ASF1A: variants seen among roughly 807,000 people sequenced by gnomAD.
ASF1A encodes anti-silencing function 1A histone chaperone.
In ASF1A, 5 loss-of-function variants were observed where a neutral mutation model predicts 22.0. That is an observed-to-expected ratio of 0.23 (90% CI 0.12 to 0.48). ASF1A has a LOEUF of 0.48. ASF1A is among the 20% of genes least tolerant of loss of function. The pLI, the probability that ASF1A is intolerant of heterozygous loss-of-function variation, is 0.99. For synonymous variants in ASF1A, 97 were observed against 86.7 expected (o/e 1.12, Z -0.66); for missense variants, 137 against 240.6 (o/e 0.57, Z 2.85).
intron 3 of ASF1A, among the ~76,000 whole-genome samples, chr6:118,906,350 G>C (rs902931039): frequency 2.6e-5 from 4 of 152,190 alleles, no homozygotes; most frequent in African/African-American, 9.6e-5. Context: ...TGGGATTACA[G>C]GTGTGAGCCA....
chr6:118,903,674 A>G (rs773628843), intron 2 of ASF1A, among the ~76,000 whole-genome samples: 11 of 152,190 alleles, frequency 7.2e-5, no homozygotes, highest in Non-Finnish European at 1.6e-4. Flanking sequence ...TAAAAGATGA[A>G]TTTTTCAGGA....
intron 1 of ASF1A, among the ~76,000 whole-genome samples, chr6:118,894,853 C>A (rs1406138488): frequency 6.6e-6 from 1 of 152,126 alleles, no homozygotes; most frequent in African/African-American, 2.4e-5. Context: ...GGGCTGGCTC[C>A]GCGCCGCCAA....
At chr6:118,903,329 C>T (rs572757289) in intron 2 of ASF1A, among the ~76,000 whole-genome samples, 91 of 152,240 alleles carry the variant, frequency 6.0e-4, no homozygotes, top group African/African-American at 2.0e-3. Flanking sequence ...TTCTCCAGGA[C>T]AAGGCTGGCT....
At position 118,908,895 on chromosome 6, in the gene ASF1A, G is replaced by A. The variant is rs1401756636; in HGVS notation, c.*1281G>A. The A allele has an allele frequency of 6.6e-6, 1 of 152,566 alleles. No homozygotes were observed. The highest frequency in any genetic ancestry group is 2.4e-5 in the African/African-American group (1 of 41,434). 9.5% of individuals were successfully genotyped at this position (152,566 alleles called of 1,614,324 possible). On this transcript the variant is annotated 3_prime_UTR_variant, in exon 4 of 4. Coordinates refer to ENST00000229595, the MANE Select transcript of ASF1A (RefSeq NM_014034.3). ...TTTTAAAGCTTTTATGTTGAGGAAA[G>A]GAAAAGGGCATTTGTCTAAACATGG...
rs532161631 is a variant in ASF1A at position 118,902,136 on chromosome 6, G to A, written c.225+1255G>A. Among the ~76,000 whole-genome samples the A allele has an allele frequency of 3.3e-5, 5 of 152,320 alleles. No homozygotes were observed. In the South Asian group the frequency reaches 1.0e-3, roughly 32 times the overall value. On this transcript the variant is annotated intron_variant, in intron 2 of 3. Transcript: ENST00000229595. Reference sequence around the variant, plus strand: ...TGCTGTTAATCAAAGTTGTGTGAGTGCATAACCATGTAAAAGACATGGGTA... The same window carrying A: ...TGCTGTTAATCAAAGTTGTGTGAGTACATAACCATGTAAAAGACATGGGTA...
At chr6:118,898,486 G>A (rs541131481) in intron 1 of ASF1A, among the ~76,000 whole-genome samples, 5 of 149,982 alleles carry the variant, frequency 3.3e-5, no homozygotes, top group South Asian at 2.1e-4. Flanking sequence ...GTGCAGTGGC[G>A]CGATCTCGGC....
intron 1 of ASF1A, among the ~76,000 whole-genome samples, chr6:118,900,543 G>A (rs763130955): frequency 1.3e-4 from 20 of 152,308 alleles, no homozygotes; most frequent in Non-Finnish European, 2.5e-4. Context: ...GTGAGGCACT[G>A]TCCAGGAACT....
At chr6:118,894,823 G>T (rs901728939) in intron 1 of ASF1A, among the ~76,000 whole-genome samples, 31 of 152,208 alleles carry the variant, frequency 2.0e-4, no homozygotes, top group African/African-American at 7.0e-4. Context: ...CGCTCCCGCT[G>T]CGCCGCCTGA....
chr6:118,907,682 G>T lies in ASF1A; in HGVS notation c.*68G>T. 8.0e-7 allele frequency: 1 copy of T among 1,255,176 alleles called. No homozygotes were observed. Among genetic ancestry groups the T allele is most frequent in the East Asian group, 2.3e-5 (1 of 42,676 alleles). 77.8% of individuals were successfully genotyped at this position (1,255,176 alleles called of 1,614,324 possible). A position where few individuals can be genotyped will look rare whatever the true frequency, so the allele number is the denominator to read the frequency against. ...CACAGAACTATTTCCCTGAAATTCC[G>T]TAAGTACATAGTCAAAACACAATGT... On this transcript the variant is annotated 3_prime_UTR_variant, in exon 4 of 4. Transcript: ENST00000229595.
At chr6:118,899,832 G>A (rs1374698502) in intron 1 of ASF1A, among the ~76,000 whole-genome samples, 1 of 152,226 alleles carries the variant, frequency 6.6e-6, no homozygotes, top group Non-Finnish European at 1.5e-5. Context: ...GAGTGCTTGT[G>A]TAACAGTGTG....
intron 1 of ASF1A, among the ~76,000 whole-genome samples, chr6:118,895,187 G>C (rs1005851945): frequency 1.3e-5 from 2 of 151,776 alleles, no homozygotes; most frequent in African/African-American, 4.8e-5. Flanking sequence ...GCGCAGGCTC[G>C]GCCCCTCCGC....
chr6:118,903,888 G>C (rs77650503), intron 2 of ASF1A, among the ~76,000 whole-genome samples: 1,583 of 152,208 alleles, frequency 0.01, 30 homozygotes, highest in African/African-American at 0.036. Flanking sequence ...TGCTCAGAGC[G>C]TGAAAAGATT....
chr6:118,894,973 T>A (rs1426011466), intron 1 of ASF1A, among the ~76,000 whole-genome samples: 1 of 152,074 alleles, frequency 6.6e-6, no homozygotes, highest in Non-Finnish European at 1.5e-5. Flanking sequence ...GAGTCGAGAA[T>A]TGGGCCAGCG....
chr6:118,894,639 T>C (rs1779220046), intron 1 of ASF1A, 117 bp downstream of exon 1: 6 of 872,208 alleles, frequency 6.9e-6, no homozygotes, highest in South Asian at 6.3e-5. Context: ...CGCGGGCTGC[T>C]CTGCGGAGGG....
chr6:118,894,532 G>T lies in ASF1A; in HGVS notation c.109+10G>T. The T allele has an allele frequency of 1.3e-6, 2 of 1,531,540 alleles. No individual in the cohort carries two copies. Among genetic ancestry groups the T allele is most frequent in the Non-Finnish European group, 8.8e-7 (1 of 1,141,794 alleles). 94.9% of individuals were successfully genotyped at this position (1,531,540 alleles called of 1,614,324 possible). ...GAGGACCTGTCTGAAGGTGAGTGCG[G>T]CGCCCGTGCGCCCGGGCTGTCAGTT... On this transcript the variant is annotated intron_variant, in intron 1 of 3. Transcript: ENST00000229595.
At chr6:118,906,375 A>G (rs972219164) in intron 3 of ASF1A, among the ~76,000 whole-genome samples, 2 of 152,128 alleles carry the variant, frequency 1.3e-5, no homozygotes, top group Admixed American at 6.6e-5. Context: ...GCCCAGAGAA[A>G]GTACTTCTTG....
At chr6:118,894,887 C>T (rs572946960) in intron 1 of ASF1A, among the ~76,000 whole-genome samples, 2 of 152,266 alleles carry the variant, frequency 1.3e-5, no homozygotes, top group South Asian at 4.1e-4. Flanking sequence ...CCTCCGGGCC[C>T]GAGCACGGAG....
intron 2 of ASF1A, among the ~76,000 whole-genome samples, chr6:118,902,877 G>A (rs1779898732): frequency 6.6e-6 from 1 of 152,142 alleles, no homozygotes; most frequent in South Asian, 2.1e-4. Flanking sequence ...CCATGATTTT[G>A]CCTCTCTAAA....
At chr6:118,894,557 T>G in intron 1 of ASF1A, 35 bp downstream of exon 1, 1 of 1,496,544 alleles carries the variant, frequency 6.7e-7, no homozygotes, top group South Asian at 1.2e-5. Context: ...GGCTGTCAGT[T>G]GCGGGCTGCA....
Sources: gnomAD v4.1 joint callset for allele counts (sites outside exome capture counted in the v4.1 genomes callset) on GRCh38, gnomAD v4.1.1 for gene constraint, MANE v1.5 for transcripts, NCBI Gene and HGNC (gene_info 2026-07-23, HGNC 2026-07-21) for gene names.